TMEM132D: variants seen among roughly 807,000 people sequenced by gnomAD.
The protein encoded by TMEM132D is mature OL transmembrane protein.
In TMEM132D, 21 loss-of-function variants were observed where a neutral mutation model predicts 62.3. The observed-to-expected ratio is 0.34, with a 90% CI of 0.24 to 0.49. TMEM132D has a LOEUF of 0.49. Ranked by LOEUF, TMEM132D falls within the 20% of genes least tolerant of loss-of-function variation. The pLI is 0.99. For synonymous variants in TMEM132D, 621 were observed against 575.6 expected (o/e 1.08, Z -1.13); for missense variants, 1,346 against 1,402.8 (o/e 0.96, Z 0.65).
Position 129,387,716 on chromosome 12 carries a change from T to C in TMEM132D, c.1116-49899A>G, listed in dbSNP as rs201177463. 3.9e-5 allele frequency among the ~76,000 whole-genome samples: 6 copies of C among 152,206 alleles called. 1 individual carries two copies. In the East Asian group the frequency reaches 1.2e-3, roughly 29 times the overall value. On this transcript the variant is annotated intron_variant, in intron 3 of 8. Transcript: ENST00000422113. The stretch of plus-strand genomic sequence containing the variant: ...AACACCAATCCAGCACTGATGATAA[T>C]ATTAACACCAACACGAATCCTAATA...
intron 5 of TMEM132D, among the ~76,000 whole-genome samples, chr12:129,165,870 G>A (rs1369127856): frequency 6.6e-6 from 1 of 152,168 alleles, no homozygotes; most frequent in Non-Finnish European, 1.5e-5. Context: ...AAGGATGCTG[G>A]CATGACCCCG....
chr12:129,798,318 C>T (rs899126701), intron 1 of TMEM132D, among the ~76,000 whole-genome samples: 1 of 152,106 alleles, frequency 6.6e-6, no homozygotes, highest in African/African-American at 2.4e-5. Flanking sequence ...TTTTAAAGGT[C>T]TTTCTCAATA....
intron 3 of TMEM132D, among the ~76,000 whole-genome samples, chr12:129,495,459 T>A (rs1874922798): frequency 6.6e-6 from 1 of 152,118 alleles, no homozygotes; most frequent in African/African-American, 2.4e-5. Context: ...GGGATTTTCC[T>A]AGGAGCCATG....
At chr12:129,307,553 C>T (rs895915586) in intron 4 of TMEM132D, among the ~76,000 whole-genome samples, 3 of 152,146 alleles carry the variant, frequency 2.0e-5, no homozygotes, top group South Asian at 4.1e-4. Context: ...ACCATCTCAT[C>T]CCTCTCTTCT....
At chr12:129,789,751 T>C (rs899535462) in intron 1 of TMEM132D, among the ~76,000 whole-genome samples, 1 of 152,162 alleles carries the variant, frequency 6.6e-6, no homozygotes. Flanking sequence ...TGGGACACAT[T>C]GAGAAGAAAC....
chr12:129,740,295 C>T (rs933959273), intron 1 of TMEM132D, among the ~76,000 whole-genome samples: 1 of 152,182 alleles, frequency 6.6e-6, no homozygotes, highest in African/African-American at 2.4e-5. Flanking sequence ...TGGTTCAAGA[C>T]TTGAAGATAG....
intron 2 of TMEM132D, among the ~76,000 whole-genome samples, chr12:129,617,327 A>G (rs1245609960): frequency 3.3e-5 from 5 of 152,216 alleles, no homozygotes. Context: ...AGACATTCCC[A>G]GGAAGGTCTT....
chr12:129,494,625 C>T (rs1387726656), intron 3 of TMEM132D, among the ~76,000 whole-genome samples: 1 of 152,100 alleles, frequency 6.6e-6, no homozygotes, highest in East Asian at 1.9e-4. Flanking sequence ...ATTTCTATTC[C>T]TCTGCCTCTG....
chr12:129,540,803 C>T (rs1320348999), intron 2 of TMEM132D, among the ~76,000 whole-genome samples: 1 of 152,072 alleles, frequency 6.6e-6, no homozygotes, highest in African/African-American at 2.4e-5. Context: ...TCAACAAATA[C>T]TTTAATTTCT....
intron 4 of TMEM132D, among the ~76,000 whole-genome samples, chr12:129,218,253 A>G (rs1199376296): frequency 1.3e-5 from 2 of 152,180 alleles, no homozygotes; most frequent in East Asian, 3.8e-4. Context: ...AGTGAGAATC[A>G]GTTTATTTTG....
At chr12:129,879,530 G>C (rs550523648) in intron 1 of TMEM132D, among the ~76,000 whole-genome samples, 1 of 152,208 alleles carries the variant, frequency 6.6e-6, no homozygotes, top group Admixed American at 6.5e-5. Context: ...GAAGAAACGT[G>C]AGTAATGGCT....
At chr12:129,790,392 G>C (rs1871369194) in intron 1 of TMEM132D, among the ~76,000 whole-genome samples, 2 of 152,128 alleles carry the variant, frequency 1.3e-5, no homozygotes, top group African/African-American at 4.8e-5. Context: ...TAAATGTGGG[G>C]GATTTTATTG....
At chr12:129,565,058 T>G (rs61437407) in intron 2 of TMEM132D, among the ~76,000 whole-genome samples, 2,019 of 152,238 alleles carry the variant, frequency 0.013, 52 homozygotes, top group African/African-American at 0.046. Flanking sequence ...CACATGCTGA[T>G]GAGAAGAAAA....
At chr12:129,836,078 A>G (rs1815094795) in intron 1 of TMEM132D, among the ~76,000 whole-genome samples, 1 of 152,242 alleles carries the variant, frequency 6.6e-6, no homozygotes, top group African/African-American at 2.4e-5. Flanking sequence ...CTCCCAGCTC[A>G]TGTAACTGTG....
intron 5 of TMEM132D, among the ~76,000 whole-genome samples, chr12:129,098,367 GTGA>G (rs1875181145): frequency 1.3e-5 from 2 of 152,162 alleles, no homozygotes; most frequent in African/African-American, 2.4e-5. Flanking sequence ...AAGAATGATA[GTGA>G]TGATGATGAT....
chr12:129,715,800 G>A (rs1868550669), intron 1 of TMEM132D, among the ~76,000 whole-genome samples: 1 of 152,204 alleles, frequency 6.6e-6, no homozygotes, highest in Non-Finnish European at 1.5e-5. Context: ...TAGCAAAGAG[G>A]AAGAGGAGAC....
intron 3 of TMEM132D, among the ~76,000 whole-genome samples, chr12:129,338,416 T>C (rs905790346): frequency 6.6e-6 from 1 of 152,160 alleles, no homozygotes; most frequent in African/African-American, 2.4e-5. Flanking sequence ...CAAAGACTGG[T>C]TTCTAGACCC....
At chr12:129,537,750 G>C (rs900825877) in intron 2 of TMEM132D, among the ~76,000 whole-genome samples, 30 of 152,324 alleles carry the variant, frequency 2.0e-4, no homozygotes, top group Non-Finnish European at 3.5e-4. Flanking sequence ...AGAAGAAATG[G>C]GGGGTCTCCA....
chr12:129,203,608 C>A (rs1202945597), intron 5 of TMEM132D, among the ~76,000 whole-genome samples: 1 of 152,212 alleles, frequency 6.6e-6, no homozygotes, highest in Non-Finnish European at 1.5e-5. Flanking sequence ...CTAAATTTGC[C>A]AAGGGACACA....
Sources: gnomAD v4.1 joint callset for allele counts (sites outside exome capture counted in the v4.1 genomes callset) on GRCh38, gnomAD v4.1.1 for gene constraint, MANE v1.5 for transcripts, NCBI Gene and HGNC (gene_info 2026-07-23, HGNC 2026-07-21) for gene names.